Variants in IQCE observed in about 807,000 individuals in gnomAD.
IQCE encodes the protein IQ domain-containing protein E.
IQCE carries 115 observed loss-of-function variants against 96.0 expected under a neutral mutation model. The observed-to-expected ratio is 1.20, with a 90% CI of 1.03 to 1.40. IQCE has a LOEUF of 1.40. Among genes scored for constraint, IQCE ranks in the 40% most tolerant of loss-of-function variants. The pLI is 0.00. For missense variants in IQCE, 1,041 were observed against 909.1 expected, an observed-to-expected ratio of 1.15 and a Z score of -1.87; for synonymous variants, 412 against 371.2, an observed-to-expected ratio of 1.11 and a Z score of -1.26.
rs758392545 is a variant in IQCE at position 2,605,916 on chromosome 7, C to T, written c.1784C>T (p.Ala595Val). 6.8e-6 allele frequency: 11 copies of T among 1,608,958 alleles called. No homozygotes were observed. The highest frequency in any genetic ancestry group is 1.3e-5 in the African/African-American group (1 of 74,674). The change falls in exon 20 of 22, where the codon GCC (alanine) becomes GTC (valine). Residue 595 changes from alanine to valine, a missense_variant. Coordinates refer to ENST00000402050, the MANE Select transcript of IQCE (RefSeq NM_152558.5). Reference sequence around the variant, plus strand: ...CGCGTTCCGAGCCCCATCGCCCAGGCCACGGGCAGCCCTGTGCAGGAGGAG... The same window carrying T: ...CGCGTTCCGAGCCCCATCGCCCAGGTCACGGGCAGCCCTGTGCAGGAGGAG... ...VPRVPSPIAQ[A>V]TGSPVQEEAI...
intron 13 of IQCE, among the ~76,000 whole-genome samples, chr7:2,588,340 G>A (rs1421648991): frequency 6.6e-6 from 1 of 151,708 alleles, no homozygotes; most frequent in African/African-American, 2.4e-5. Flanking sequence ...CCTTTGTTTT[G>A]TTTTTGTTTT....
At chr7:2,606,396 C>T (rs1031956402) in intron 20 of IQCE, among the ~76,000 whole-genome samples, 4 of 151,940 alleles carry the variant, frequency 2.6e-5, no homozygotes, top group African/African-American at 9.7e-5. Context: ...ATATGACAGG[C>T]GACGCGTGCA....
At chr7:2,584,440 G>A in intron 11 of IQCE, 155 bp downstream of exon 11, 2 of 759,204 alleles carry the variant, frequency 2.6e-6, no homozygotes, top group Admixed American at 1.9e-5. Context: ...GGTTAGAGTT[G>A]ACACGTTTCC....
intron 21 of IQCE, chr7:2,607,532 G>C: frequency 7.8e-7 from 1 of 1,289,128 alleles, no homozygotes; most frequent in Non-Finnish European, 9.8e-7. Context: ...CTGTTTGTTT[G>C]TTGAGTAAAA....
chr7:2,581,711 C>CCTT lies in IQCE; in HGVS notation c.631-869_631-868insCTT, dbSNP rs555502786. Among the ~76,000 whole-genome samples, 297 of 140,200 alleles carry CCTT rather than the reference C, an allele frequency of 2.1e-3. 10 individuals carry two copies. Among genetic ancestry groups the CCTT allele is most frequent in the South Asian group, 3.1e-3 (14 of 4,446 alleles). The allele number at this position is 140,200 out of a possible 152,430, so 92.0% of individuals were successfully genotyped here. A position where few individuals can be genotyped will look rare whatever the true frequency, so the allele number is the denominator to read the frequency against. On this transcript the variant is annotated intron_variant, in intron 8 of 21. Coordinates refer to ENST00000402050, the MANE Select transcript of IQCE (RefSeq NM_152558.5). ...TGTCTATTTAGAAGAAAAGAATGTT[C>CCTT]TTTTTTTTTTTTTTTTGAGATGGAG... is the stretch of plus-strand genomic sequence containing the variant.
At chr7:2,596,399 A>AT (rs3074415) in intron 16 of IQCE, among the ~76,000 whole-genome samples, 1,608 of 138,472 alleles carry the variant, frequency 0.012, 9 homozygotes, top group Non-Finnish European at 0.017. Context: ...GGTTATAAGC[A>AT]TTTTTTTTTT....
At chr7:2,596,751 C>T (rs2969017) in intron 16 of IQCE, 60,124 of 332,762 alleles carry the variant, frequency 0.18, 6,641 homozygotes, top group East Asian at 0.41. Flanking sequence ...TGGCACAGGC[C>T]GCGGACTAAC....
chr7:2,610,103 G>A lies in IQCE; in HGVS notation c.2029G>A (p.Asp677Asn), dbSNP rs373244121. 2.2e-5 allele frequency: 36 copies of A among 1,613,332 alleles called. No individual in the cohort carries two copies. Among genetic ancestry groups the A allele is most frequent in the South Asian group, 4.4e-5 (4 of 91,076 alleles). ...TCTACCTGGGGATGACGTCAACTCC[G>A]ATGATTCCGACGATATTGTCATTGC... ...APLPGDDVNS[D>N]DSDDIVIAPS... is the part of the protein sequence containing the mutation. Residue 677 changes from aspartate (D) to asparagine (N), a missense_variant, in exon 22 of 22, where the codon GAT (aspartate) becomes AAT (asparagine). Transcript: ENST00000402050.
chr7:2,584,592 T>G, intron 11 of IQCE: 1 of 335,274 alleles, frequency 3.0e-6, no homozygotes, highest in Non-Finnish European at 5.5e-6. Flanking sequence ...AGAGCCACCT[T>G]TTTAGGAAGA....
chr7:2,571,512 G>T lies in IQCE; in HGVS notation c.131-14G>T, dbSNP rs1186946991. 6.2e-6 allele frequency: 10 copies of T among 1,605,730 alleles called. No individual in the cohort carries two copies. The East Asian group carries it at 2.2e-4, about 36-fold the overall frequency. On this transcript the variant is annotated splice_polypyrimidine_tract_variant and intron_variant, in intron 3 of 21. Transcript: ENST00000402050. Reference sequence around the variant, plus strand: ...CTGTCCGGCACCTCTGAATCCACGTGTTGGCTTTTCCAGAGTCACCTTATC... The same window carrying T: ...CTGTCCGGCACCTCTGAATCCACGTTTTGGCTTTTCCAGAGTCACCTTATC...
chr7:2,585,702 C>T (rs748388415), intron 11 of IQCE, among the ~76,000 whole-genome samples: 1 of 152,260 alleles, frequency 6.6e-6, no homozygotes, highest in Non-Finnish European at 1.5e-5. Context: ...AACGTGCGCG[C>T]CAGCGACTGG....
At chr7:2,571,404 T>C (rs1781744584) in intron 3 of IQCE, 122 bp from the exon 4 acceptor site, 4 of 1,225,632 alleles carry the variant, frequency 3.3e-6, no homozygotes, top group Non-Finnish European at 4.6e-6. Context: ...TTTGCCAGAA[T>C]GTTTGACTAG....
At chr7:2,607,057 T>C in intron 20 of IQCE, 67 bp from the exon 21 acceptor site, 1 of 1,401,844 alleles carries the variant, frequency 7.1e-7, no homozygotes, top group Non-Finnish European at 9.6e-7. Context: ...CTGAGGCTGC[T>C]GTAAACCTCA....
chr7:2,589,243 C>T (rs1486709435), intron 13 of IQCE, among the ~76,000 whole-genome samples: 3 of 151,958 alleles, frequency 2.0e-5, no homozygotes, highest in Admixed American at 6.6e-5. Flanking sequence ...TGGTGCACAC[C>T]TGTATTCCCA....
intron 6 of IQCE, 51 bp from the exon 7 acceptor site, chr7:2,578,191 C>T: frequency 7.2e-7 from 1 of 1,383,770 alleles, no homozygotes; most frequent in Non-Finnish European, 1.0e-6. Flanking sequence ...GTGTGTGCGG[C>T]GTGTGCGCAG....
At chr7:2,609,357 G>C (rs1402435061) in intron 21 of IQCE, among the ~76,000 whole-genome samples, 1 of 150,550 alleles carries the variant, frequency 6.6e-6, no homozygotes, top group Non-Finnish European at 1.5e-5. Context: ...TGTTGCCCAG[G>C]CTGGTCTGGA....
At chr7:2,608,584 G>A (rs369623908) in intron 21 of IQCE, among the ~76,000 whole-genome samples, 8 of 152,170 alleles carry the variant, frequency 5.3e-5, no homozygotes, top group African/African-American at 1.9e-4. Flanking sequence ...CAAAGCGGTC[G>A]GGCCGGCCTG....
intron 14 of IQCE, among the ~76,000 whole-genome samples, chr7:2,592,021 C>A (rs1181857595): frequency 7.0e-5 from 10 of 142,264 alleles, no homozygotes; most frequent in Non-Finnish European, 1.2e-4. Context: ...CGTGAGCCAC[C>A]GCACCCGGGC....
At chr7:2,576,575 A>AT (rs1403750717) in intron 6 of IQCE, among the ~76,000 whole-genome samples, 4 of 151,716 alleles carry the variant, frequency 2.6e-5, no homozygotes, top group Admixed American at 6.6e-5. Flanking sequence ...AATTTTTTGT[A>AT]TTTTTTGTAG....
Sources: allele counts gnomAD v4.1 joint callset (sites outside exome capture counted in the v4.1 genomes callset), GRCh38; gene constraint gnomAD v4.1.1; transcripts MANE v1.5; gene names NCBI Gene and HGNC (gene_info 2026-07-23, HGNC 2026-07-21).